The following CAST variants were observed in gnomAD, a reference collection of about 807,000 sequenced individuals.
CAST encodes the protein MIR583 host.
In CAST, 76 loss-of-function variants were observed where a neutral mutation model predicts 119.6. That is an observed-to-expected ratio of 0.64 (90% CI 0.53 to 0.77). CAST has a LOEUF of 0.77. CAST is among the 30% of genes least tolerant of loss of function. The pLI is 0.00. For synonymous variants in CAST, 319 were observed against 331.6 expected, an observed-to-expected ratio of 0.96 and a Z score of 0.41; for missense variants, 953 against 946.5, an observed-to-expected ratio of 1.01 and a Z score of -0.09.
chr5:96,742,849 T>TATTGGAGAGTAAAAGTGAGC, intron 16 of CAST, 93 bp downstream of exon 16: 1 of 864,732 alleles, frequency 1.2e-6, no homozygotes. Flanking sequence ...GCACAACTTT[T>TATTGGAGAGTAAAAGTGAGC]ATTGGAGAGT....
chr5:96,324,001 C>T, the CAST span, among the ~76,000 whole-genome samples: 1 of 152,090 alleles, frequency 6.6e-6, no homozygotes, highest in Non-Finnish European at 1.5e-5. Flanking sequence ...TTCTTTCTGG[C>T]CTCTCTAAAA....
At chr5:96,183,001 T>C in the CAST span, among the ~76,000 whole-genome samples, 2 of 151,746 alleles carry the variant, frequency 1.3e-5, no homozygotes, top group Admixed American at 1.3e-4. Flanking sequence ...TAGCCGGGCG[T>C]GGTGGCAGGC....
chr5:96,738,055 C>T lies in CAST; in HGVS notation c.798+108C>T, dbSNP rs1462027036. The T allele has an allele frequency of 1.2e-5, 8 of 652,526 alleles. No homozygotes were observed. In the East Asian group the frequency reaches 2.2e-4, roughly 18 times the overall value. 40.4% of individuals were successfully genotyped at this position (652,526 alleles called of 1,614,324 possible). A position where few individuals can be genotyped will look rare whatever the true frequency, so the allele number is the denominator to read the frequency against. On this transcript the variant is annotated intron_variant, in intron 11 of 31. Transcript: ENST00000675179. Reference sequence around the variant, plus strand: ...TACCTAGTGAGGCCAGGCGCAGTGGCTCACATCTGTAATCCCAGCACTTTG... The same window carrying T: ...TACCTAGTGAGGCCAGGCGCAGTGGTTCACATCTGTAATCCCAGCACTTTG...
intron 1 of CAST, among the ~76,000 whole-genome samples, chr5:96,604,200 A>G (rs894640079): frequency 2.0e-5 from 3 of 152,328 alleles, no homozygotes; most frequent in African/African-American, 7.2e-5. Context: ...TATTAATCTT[A>G]TGAGCCCACC....
the CAST span, among the ~76,000 whole-genome samples, chr5:96,166,945 A>T: frequency 6.6e-6 from 1 of 152,136 alleles, no homozygotes; most frequent in African/African-American, 2.4e-5. Context: ...TGGGATTACG[A>T]GCGGCTTGGG....
At chr5:95,988,178 A>C in the CAST span, among the ~76,000 whole-genome samples, 5,251 of 152,290 alleles carry the variant, frequency 0.034, 306 homozygotes, top group African/African-American at 0.12. Flanking sequence ...ATACCTATAA[A>C]TGAGTTTACC....
the CAST span, among the ~76,000 whole-genome samples, chr5:96,107,426 C>CA: frequency 6.6e-6 from 1 of 151,986 alleles, no homozygotes; most frequent in Non-Finnish European, 1.5e-5. Context: ...CTGGTGGTGA[C>CA]AAAATCTCTC....
the CAST span, among the ~76,000 whole-genome samples, chr5:96,346,430 T>C: frequency 2.0e-5 from 3 of 152,146 alleles, no homozygotes; most frequent in African/African-American, 7.2e-5. Context: ...TTTGTCACTG[T>C]AGAGATTGTA....
At chr5:96,306,075 C>G in the CAST span, among the ~76,000 whole-genome samples, 2 of 152,184 alleles carry the variant, frequency 1.3e-5, no homozygotes, top group Non-Finnish European at 2.9e-5. Flanking sequence ...TCCGTCTGTT[C>G]CTAGACTTTT....
the CAST span, chr5:96,394,841 G>T: frequency 8.1e-6 from 13 of 1,611,574 alleles, no homozygotes; most frequent in Non-Finnish European, 1.1e-5. Context: ...AAGAGAGCAT[G>T]CCAAGAACAG....
At chr5:96,308,709 G>A in the CAST span, 1 of 152,358 alleles carries the variant, frequency 6.6e-6, no homozygotes, top group African/African-American at 2.4e-5. Context: ...TAACAGTCAG[G>A]CCTCTCTGCT....
the CAST span, among the ~76,000 whole-genome samples, chr5:96,490,354 C>CTATGTG: frequency 6.7e-6 from 1 of 149,504 alleles, no homozygotes; most frequent in Non-Finnish European, 1.5e-5. Flanking sequence ...ATGTGTGTGT[C>CTATGTG]TGTGTGTGTG....
chr5:96,478,988 G>C, the CAST span, among the ~76,000 whole-genome samples: 1 of 152,200 alleles, frequency 6.6e-6, no homozygotes, highest in African/African-American at 2.4e-5. Context: ...GAAATAAAGT[G>C]CTAATTGGGT....
chr5:96,325,844 G>A, the CAST span, among the ~76,000 whole-genome samples: 1 of 152,152 alleles, frequency 6.6e-6, no homozygotes, highest in African/African-American at 2.4e-5. Context: ...TGAGGAAAAT[G>A]GCACAAATGG....
At chr5:96,346,517 A>G in the CAST span, among the ~76,000 whole-genome samples, 2 of 152,200 alleles carry the variant, frequency 1.3e-5, no homozygotes, top group African/African-American at 4.8e-5. Context: ...GAATGAAGTG[A>G]ACAGACTCTT....
chr5:96,003,062 C>T, the CAST span, among the ~76,000 whole-genome samples: 11 of 151,954 alleles, frequency 7.2e-5, no homozygotes, highest in African/African-American at 2.4e-4. Flanking sequence ...GTAGCAAGAT[C>T]CCATCTCTAA....
At position 96,676,782 on chromosome 5, in the gene CAST, C is replaced by T. The variant is rs370599558; in HGVS notation, c.138+1181C>T. On this transcript the variant is annotated intron_variant, in intron 2 of 31. Coordinates refer to ENST00000675179, the MANE Select transcript of CAST (RefSeq NM_001750.7). Reference sequence around the variant, plus strand: ...AAGTCTACCTAGTGTCAGCCAGGCACGGTGGCTCATGCCTGTAATCCCAGC... The same window carrying T: ...AAGTCTACCTAGTGTCAGCCAGGCATGGTGGCTCATGCCTGTAATCCCAGC... 6.0e-4 allele frequency among the ~76,000 whole-genome samples: 91 copies of T among 151,406 alleles called. 2 individuals carry two copies. In the South Asian group the frequency reaches 0.012, roughly 19 times the overall value.
At chr5:96,755,715 G>A (rs1186046189) in intron 22 of CAST, among the ~76,000 whole-genome samples, 8 of 152,202 alleles carry the variant, frequency 5.3e-5, no homozygotes, top group African/African-American at 1.9e-4. Context: ...TAGCAGACAC[G>A]GGAACTAGAC....
intron 1 of CAST, 104 bp downstream of exon 1, chr5:96,662,601 TC>T: frequency 2.4e-6 from 3 of 1,236,290 alleles, no homozygotes; most frequent in African/African-American, 1.6e-5. Flanking sequence ...GGGTCTGCAG[TC>T]CCCGGCGCCC....
Sources: gnomAD v4.1 joint callset for allele counts (sites outside exome capture counted in the v4.1 genomes callset) on GRCh38, gnomAD v4.1.1 for gene constraint, MANE v1.5 for transcripts, NCBI Gene and HGNC (gene_info 2026-07-23, HGNC 2026-07-21) for gene names.